The following COL8A1 variants were observed in gnomAD, a reference collection of about 807,000 sequenced individuals.
COL8A1 encodes collagen type VIII alpha 1 chain.
Under a neutral mutation model 42.7 loss-of-function variants are expected in COL8A1, and 21 were observed. The ratio of observed to expected loss-of-function variants is 0.49; its 90% CI spans 0.35 to 0.71. The LOEUF is 0.71. Ranked by LOEUF, COL8A1 falls within the 30% of genes least tolerant of loss-of-function variation. The probability of loss-of-function intolerance (pLI) is 0.01; values close to 1 mark genes in which losing one functional copy is unlikely to be tolerated. For synonymous variants in COL8A1, 367 were observed against 369.1 expected, an observed-to-expected ratio of 0.99 and a Z score of 0.06; for missense variants, 788 against 962.4, an observed-to-expected ratio of 0.82 and a Z score of 2.40.
chr3:99,717,393 A>G (rs1343816441), intron 1 of COL8A1, among the ~76,000 whole-genome samples: 1 of 152,054 alleles, frequency 6.6e-6, no homozygotes, highest in African/African-American at 2.4e-5. Flanking sequence ...TGGAGTGTTC[A>G]TGGCCCTTCA....
intron 1 of COL8A1, among the ~76,000 whole-genome samples, chr3:99,647,750 C>A (rs753683525): frequency 6.6e-6 from 1 of 152,150 alleles, no homozygotes; most frequent in Non-Finnish European, 1.5e-5. Flanking sequence ...TTTCTTTGAG[C>A]ATTTGCTTTC....
intron 1 of COL8A1, among the ~76,000 whole-genome samples, chr3:99,711,009 G>A (rs1217451351): frequency 6.6e-6 from 1 of 152,086 alleles, no homozygotes; most frequent in East Asian, 1.9e-4. Context: ...ACTCTTAATG[G>A]GTACCAAAAG....
chr3:99,731,833 G>T (rs1176308835), intron 1 of COL8A1, among the ~76,000 whole-genome samples: 1 of 152,152 alleles, frequency 6.6e-6, no homozygotes, highest in Admixed American at 6.6e-5. Context: ...TTCAGATATG[G>T]AGGTCAGATG....
At chr3:99,780,041 C>G (rs60119031) in intron 2 of COL8A1, among the ~76,000 whole-genome samples, 19,489 of 152,106 alleles carry the variant, frequency 0.13, 1,785 homozygotes, top group African/African-American at 0.26. Context: ...AACGTGTGCT[C>G]AAGATCCCAT....
intron 2 of COL8A1, among the ~76,000 whole-genome samples, chr3:99,748,586 A>G (rs1266556931): frequency 6.6e-6 from 1 of 152,202 alleles, no homozygotes; most frequent in African/African-American, 2.4e-5. Flanking sequence ...TAAAGTTGAT[A>G]TTTGACTCAC....
chr3:99,749,784 G>A (rs1228870378), intron 2 of COL8A1, among the ~76,000 whole-genome samples: 1 of 152,006 alleles, frequency 6.6e-6, no homozygotes, highest in Non-Finnish European at 1.5e-5. Context: ...GGAAGAAGAG[G>A]TGCTGAAATT....
At chr3:99,648,387 A>T (rs1051135589) in intron 1 of COL8A1, among the ~76,000 whole-genome samples, 13 of 152,186 alleles carry the variant, frequency 8.5e-5, no homozygotes, top group Admixed American at 7.9e-4. Context: ...AGAGAATTCT[A>T]GTGGCTCTGT....
chr3:99,738,031 T>C (rs979411380), intron 1 of COL8A1, among the ~76,000 whole-genome samples: 2 of 152,192 alleles, frequency 1.3e-5, no homozygotes, highest in African/African-American at 2.4e-5. Flanking sequence ...CTCCTGAGGC[T>C]TCTGCATTCT....
intron 1 of COL8A1, among the ~76,000 whole-genome samples, chr3:99,647,726 C>A (rs1432610490): frequency 1.3e-5 from 2 of 152,172 alleles, no homozygotes; most frequent in Non-Finnish European, 2.9e-5. Flanking sequence ...TAACCAAGAT[C>A]GTTGGCCAAA....
intron 1 of COL8A1, among the ~76,000 whole-genome samples, chr3:99,696,976 ATTTTTTTTTTTTTTTTTT>A (rs34865022): frequency 2.3e-5 from 2 of 88,058 alleles, no homozygotes; most frequent in East Asian, 7.5e-4. Context: ...ATATACACAA[ATTTTTTTTTTTTTTTTTT>A]TTTTTTTTTT....
chr3:99,757,074 T>A lies in COL8A1; in HGVS notation c.-4+12053T>A, dbSNP rs1056333770. 1.1e-4 allele frequency among the ~76,000 whole-genome samples: 17 copies of A among 152,326 alleles called. No individual in the cohort carries two copies. The South Asian group carries it at 3.3e-3, about 30-fold the overall frequency. On this transcript the variant is annotated intron_variant, in intron 2 of 3. Coordinates refer to ENST00000652472, the MANE Select transcript of COL8A1 (RefSeq NM_020351.4). ...AAAGACAGGGACTTTTCTGTCTTCT[T>A]GCTGTATCCCCAGCAATTAGAACTG...
chr3:99,794,477 C>G lies in COL8A1; in HGVS notation c.576C>G (p.Ile192Met), dbSNP rs748861513. The G allele has an allele frequency of 6.2e-7, 1 of 1,613,998 alleles. No homozygotes were observed. Among genetic ancestry groups the G allele is most frequent in the South Asian group, 1.1e-5 (1 of 91,080 alleles). ...AAGGGGAAATTGGGCCTATGGGGAT[C>G]CCAGGACCACAAGGACCTCCAGGGC... ...GQKGEIGPMG[I>M]PGPQGPPGPH... The change falls in exon 4 of 4, where the codon ATC becomes ATG. Residue 192 changes from isoleucine to methionine, a missense_variant. By Grantham distance (10) the Ile-to-Met change is conservative. Around this residue, in one of 4 missense-constraint regions of COL8A1, gnomAD observed 421 missense variants for 553.1 expected, o/e 0.76. Coordinates refer to ENST00000652472, the MANE Select transcript of COL8A1 (RefSeq NM_020351.4). This position sits in a 1 kb window ranked among gnomAD's most constrained non-coding sequence, Gnocchi z 4.3.
Position 99,795,829 on chromosome 3 carries a change from G to A in COL8A1, c.1928G>A (p.Arg643Lys), listed in dbSNP as rs776522099. The A allele has an allele frequency of 6.2e-7, 1 of 1,614,214 alleles. No homozygotes were observed. Among genetic ancestry groups the A allele is most frequent in the South Asian group, 1.1e-5 (1 of 91,086 alleles). The change falls in exon 4 of 4, where the codon AGA (arginine) becomes AAA (lysine). Residue 643 changes from arginine (R) to lysine (K), a missense_variant. By Grantham distance (26) the Arg-to-Lys change is conservative (BLOSUM62 2). Around this residue, in one of 4 missense-constraint regions of COL8A1, gnomAD observed 212 missense variants for 210.9 expected, o/e 1.00. Transcript: ENST00000652472. ...VKFNKLLYNG[R>K]QNYNPQTGIF... is the part of the protein sequence containing the mutation. ...TTTAACAAACTGCTGTATAACGGCAGACAGAACTACAACCCGCAGACAGGC... is the reference window on the plus strand; with the variant it reads ...TTTAACAAACTGCTGTATAACGGCAAACAGAACTACAACCCGCAGACAGGC...
At chr3:99,692,021 A>G (rs1939234932) in intron 1 of COL8A1, 1 of 152,122 alleles carries the variant, frequency 6.6e-6, no homozygotes, top group Admixed American at 6.6e-5. Context: ...AGATACTTAG[A>G]GAAGAGTTGA....
intron 2 of COL8A1, among the ~76,000 whole-genome samples, chr3:99,746,935 G>T (rs1941038678): frequency 6.6e-6 from 1 of 152,044 alleles, no homozygotes; most frequent in Non-Finnish European, 1.5e-5. Context: ...AAATGGACTT[G>T]GTTTAACTTG....
rs187227430 is a variant in COL8A1 at position 99,657,960 on chromosome 3, C to T, written c.-129+19296C>T. Among the ~76,000 whole-genome samples, 27 of 152,146 alleles carry T rather than the reference C, an allele frequency of 1.8e-4. 1 individual carries two copies. In the East Asian group the frequency reaches 4.9e-3, roughly 27 times the overall value. The stretch of plus-strand genomic sequence containing the variant: ...TGACCAACATGGTGAAACCACGTCT[C>T]TACTAAAAATACAAAAATTAGCCGG... On this transcript the variant is annotated intron_variant, in intron 1 of 3. Transcript: ENST00000652472.
intron 2 of COL8A1, among the ~76,000 whole-genome samples, chr3:99,747,643 G>A (rs867604443): frequency 3.3e-5 from 5 of 152,080 alleles, no homozygotes; most frequent in Admixed American, 2.0e-4. Flanking sequence ...TATATTATAC[G>A]ACAGCAATAA....
chr3:99,770,847 T>C (rs1941565244), intron 2 of COL8A1, among the ~76,000 whole-genome samples: 1 of 152,192 alleles, frequency 6.6e-6, no homozygotes, highest in Admixed American at 6.5e-5. Flanking sequence ...AATGAATAAA[T>C]TAAATAAGCA....
chr3:99,723,523 G>A (rs1316591523), intron 1 of COL8A1, among the ~76,000 whole-genome samples: 1 of 152,108 alleles, frequency 6.6e-6, no homozygotes, highest in Non-Finnish European at 1.5e-5. Context: ...ATGGTAGTTG[G>A]TTATAAGTGA....
Sources: gnomAD v4.1 joint callset for allele counts (sites outside exome capture counted in the v4.1 genomes callset) on GRCh38, gnomAD v4.1.1 for gene constraint, gnomAD v4.1.1 regional missense constraint, Gnocchi (gnomAD v3.1) non-coding constraint, MANE v1.5 for transcripts, NCBI Gene and HGNC (gene_info 2026-07-23, HGNC 2026-07-21) for gene names.